ERC2: variants seen among roughly 807,000 people sequenced by gnomAD.
The protein encoded by ERC2 is ELKS/RAB6-interacting/CAST family member 2, also known as ERC protein 2.
A neutral mutation model predicts 114.8 loss-of-function variants in ERC2; 42 were observed. The observed-to-expected ratio is 0.37, with a 90% CI of 0.29 to 0.47. The LOEUF is 0.47. Among genes scored for constraint, ERC2 ranks in the 20% least tolerant of loss-of-function variants. The pLI, the probability that ERC2 is intolerant of heterozygous loss-of-function variation, is 0.99. For missense variants in ERC2, 939 were observed against 1,150.7 expected (o/e 0.82, Z 2.66); for synonymous variants, 454 against 425.5 (o/e 1.07, Z -0.82).
intron 13 of ERC2, among the ~76,000 whole-genome samples, chr3:55,945,175 A>G (rs1027230618): frequency 6.6e-6 from 1 of 152,186 alleles, no homozygotes; most frequent in Non-Finnish European, 1.5e-5. Context: ...CATCTTTTCC[A>G]TATGTTGAAA....
At chr3:56,013,234 G>T (rs547107935) in intron 8 of ERC2, among the ~76,000 whole-genome samples, 2 of 152,160 alleles carry the variant, frequency 1.3e-5, no homozygotes, top group Non-Finnish European at 2.9e-5. Context: ...CCATAATCCA[G>T]GGGAAATGGT....
chr3:56,014,237 A>T (rs2073153440), intron 8 of ERC2, among the ~76,000 whole-genome samples: 1 of 152,172 alleles, frequency 6.6e-6, no homozygotes, highest in Non-Finnish European at 1.5e-5. Flanking sequence ...TAGACCAGGG[A>T]TCTGCAGCTT....
chr3:55,749,821 C>G (rs568491682), intron 14 of ERC2, among the ~76,000 whole-genome samples: 1 of 152,178 alleles, frequency 6.6e-6, no homozygotes, highest in Admixed American at 6.5e-5. Context: ...TTGCTACTGC[C>G]CACTCTTTGG....
intron 17 of ERC2, among the ~76,000 whole-genome samples, chr3:55,513,166 T>C (rs1175013452): frequency 1.3e-5 from 2 of 152,206 alleles, no homozygotes; most frequent in African/African-American, 4.8e-5. Flanking sequence ...GCCATTTCAA[T>C]GGTGACATCC....
chr3:55,882,282 G>A (rs2063151270), intron 14 of ERC2, among the ~76,000 whole-genome samples: 1 of 152,214 alleles, frequency 6.6e-6, no homozygotes, highest in Non-Finnish European at 1.5e-5. Context: ...TGCCGTAAGT[G>A]GAAGCAGCCT....
At chr3:55,708,221 A>G (rs549028745) in intron 15 of ERC2, among the ~76,000 whole-genome samples, 128 of 152,358 alleles carry the variant, frequency 8.4e-4, no homozygotes, top group African/African-American at 2.9e-3. Flanking sequence ...TTCAAAAGTC[A>G]TTATGCACAG....
chr3:55,742,041 AG>A (rs754547957), intron 14 of ERC2, among the ~76,000 whole-genome samples: 2 of 151,440 alleles, frequency 1.3e-5, no homozygotes, highest in Non-Finnish European at 2.9e-5. Context: ...AGTGTGTAGG[AG>A]GTAGTCAAGA....
intron 6 of ERC2, among the ~76,000 whole-genome samples, chr3:56,114,199 T>G (rs551367219): frequency 4.6e-5 from 7 of 152,302 alleles, no homozygotes; most frequent in African/African-American, 1.7e-4. Flanking sequence ...CATGTTCACT[T>G]TGGAGTGGAG....
intron 17 of ERC2, among the ~76,000 whole-genome samples, chr3:55,664,221 C>T (rs2061262107): frequency 6.6e-6 from 1 of 152,092 alleles, no homozygotes; most frequent in African/African-American, 2.4e-5. Flanking sequence ...CAGGCTCCAC[C>T]CAGACCTAAT....
intron 14 of ERC2, among the ~76,000 whole-genome samples, chr3:55,878,693 TG>T (rs2062977478): frequency 6.6e-6 from 1 of 152,210 alleles, no homozygotes; most frequent in Non-Finnish European, 1.5e-5. Flanking sequence ...CAGCACTATC[TG>T]GGTGAAGTAC....
Position 56,038,228 on chromosome 3 carries a change from A to G in ERC2, c.1642-19197T>C, listed in dbSNP as rs112809943. Among the ~76,000 whole-genome samples, 917 of 152,342 alleles carry G rather than the reference A, an allele frequency of 6.0e-3. 6 individuals are homozygous for G. Among genetic ancestry groups the G allele is most frequent in the African/African-American group, 0.021 (864 of 41,580 alleles). On this transcript the variant is annotated intron_variant, in intron 7 of 17. Transcript: ENST00000288221. The stretch of plus-strand genomic sequence containing the variant: ...CACAATCCACAAGGAACTTAAACAA[A>G]TTTATAAGAATAAAACAAACAACCC...
At chr3:55,791,459 C>A (rs2070016111) in intron 14 of ERC2, among the ~76,000 whole-genome samples, 1 of 152,016 alleles carries the variant, frequency 6.6e-6, no homozygotes, top group Non-Finnish European at 1.5e-5. Context: ...ATATGAAAAT[C>A]TTACTATGTT....
chr3:56,339,011 G>T (rs1394534390), intron 2 of ERC2, among the ~76,000 whole-genome samples: 1 of 152,170 alleles, frequency 6.6e-6, no homozygotes, highest in Non-Finnish European at 1.5e-5. Context: ...TAGGGAGAGG[G>T]TTTCAATAGC....
intron 17 of ERC2, among the ~76,000 whole-genome samples, chr3:55,627,238 C>T (rs1237233782): frequency 3.3e-5 from 5 of 152,150 alleles, no homozygotes; most frequent in Admixed American, 6.5e-5. Context: ...GAGGCCAAGG[C>T]GGGCAGATCA....
intron 3 of ERC2, among the ~76,000 whole-genome samples, chr3:56,293,445 A>G (rs945290804): frequency 2.0e-5 from 3 of 152,202 alleles, no homozygotes; most frequent in African/African-American, 7.2e-5. Flanking sequence ...AAATACACCA[A>G]ATATGACCAA....
chr3:56,188,447 C>T (rs976265943), intron 3 of ERC2, among the ~76,000 whole-genome samples: 8 of 152,172 alleles, frequency 5.3e-5, no homozygotes, highest in Non-Finnish European at 8.8e-5. Flanking sequence ...CACACCCCCA[C>T]GGTCCAGATG....
intron 3 of ERC2, among the ~76,000 whole-genome samples, chr3:56,216,719 G>A (rs1575882982): frequency 6.6e-6 from 1 of 152,304 alleles, no homozygotes; most frequent in African/African-American, 2.4e-5. Context: ...TATCCTTGAG[G>A]AACATCGATG....
intron 7 of ERC2, among the ~76,000 whole-genome samples, chr3:56,044,806 C>T (rs377571132): frequency 1.3e-3 from 202 of 152,186 alleles, no homozygotes; most frequent in African/African-American, 4.6e-3. Context: ...TCCTAACTCT[C>T]GCTCCCCAAA....
chr3:56,116,792 G>T (rs2079263111), intron 6 of ERC2, among the ~76,000 whole-genome samples: 1 of 152,146 alleles, frequency 6.6e-6, no homozygotes, highest in Non-Finnish European at 1.5e-5. Flanking sequence ...TGAAGGAATT[G>T]ATTCTTGCCC....
Sources: gnomAD v4.1 joint callset for allele counts (sites outside exome capture counted in the v4.1 genomes callset) on GRCh38, gnomAD v4.1.1 for gene constraint, MANE v1.5 for transcripts, NCBI Gene and HGNC (gene_info 2026-07-23, HGNC 2026-07-21) for gene names.